The following CDH13 variants were observed in gnomAD, a reference collection of about 807,000 sequenced individuals.
CDH13 encodes cadherin-13.
CDH13 carries 24 observed loss-of-function variants against 63.8 expected under a neutral mutation model. The ratio of observed to expected loss-of-function variants is 0.38; its 90% CI spans 0.27 to 0.53. The LOEUF is 0.53. CDH13 is among the 20% of genes least tolerant of loss of function. The pLI is 0.85. For missense variants in CDH13, 1,049 were observed against 903.1 expected (o/e 1.16, Z -2.07); for synonymous variants, 503 against 355.3 (o/e 1.42, Z -4.67).
At chr16:82,892,021 C>T (rs754001044) in intron 2 of CDH13, among the ~76,000 whole-genome samples, 3 of 152,168 alleles carry the variant, frequency 2.0e-5, no homozygotes, top group Non-Finnish European at 4.4e-5. Flanking sequence ...AAAGCTCAGA[C>T]TGCTTCACTT....
At chr16:83,015,404 T>C (rs1319948148) in intron 2 of CDH13, among the ~76,000 whole-genome samples, 1 of 151,316 alleles carries the variant, frequency 6.6e-6, no homozygotes, top group Non-Finnish European at 1.5e-5. Flanking sequence ...TTGAAAACCG[T>C]ACTGCTAAAA....
chr16:83,085,805 A>C (rs772977154), intron 3 of CDH13, among the ~76,000 whole-genome samples: 1 of 152,240 alleles, frequency 6.6e-6, no homozygotes, highest in Non-Finnish European at 1.5e-5. Flanking sequence ...AGAGGTCTCA[A>C]TATGCTAAGA....
At chr16:83,109,365 C>T (rs2034951351) in intron 3 of CDH13, among the ~76,000 whole-genome samples, 1 of 152,100 alleles carries the variant, frequency 6.6e-6, no homozygotes. Flanking sequence ...AAAAGGGATG[C>T]AGGAAACCCC....
At chr16:83,360,266 C>T (rs374048086) in intron 6 of CDH13, among the ~76,000 whole-genome samples, 1 of 152,136 alleles carries the variant, frequency 6.6e-6, no homozygotes, top group Non-Finnish European at 1.5e-5. Flanking sequence ...CTGAGATATT[C>T]GACAATGTAC....
chr16:83,695,188 C>T (rs1327367386), intron 10 of CDH13, among the ~76,000 whole-genome samples: 1 of 152,140 alleles, frequency 6.6e-6, no homozygotes, highest in Non-Finnish European at 1.5e-5. Flanking sequence ...GCCTGGGCAA[C>T]AGACTGAGAC....
At chr16:83,016,930 C>T (rs914692968) in intron 2 of CDH13, among the ~76,000 whole-genome samples, 2 of 152,186 alleles carry the variant, frequency 1.3e-5, no homozygotes, top group African/African-American at 2.4e-5. Flanking sequence ...CTGTTCTTTT[C>T]TCCTCCATGG....
At chr16:83,259,703 A>G (rs1906729981) in intron 5 of CDH13, among the ~76,000 whole-genome samples, 2 of 152,158 alleles carry the variant, frequency 1.3e-5, no homozygotes, top group Non-Finnish European at 2.9e-5. Flanking sequence ...TGTGCAGGTT[A>G]GTTACATAGG....
chr16:83,495,070 G>C (rs966046240), intron 7 of CDH13, among the ~76,000 whole-genome samples: 1 of 152,062 alleles, frequency 6.6e-6, no homozygotes, highest in African/African-American at 2.4e-5. Flanking sequence ...TCAACAGAAA[G>C]AGTCAAACTC....
chr16:83,193,464 G>A (rs544440449), intron 4 of CDH13, among the ~76,000 whole-genome samples: 1 of 152,236 alleles, frequency 6.6e-6, no homozygotes, highest in South Asian at 2.1e-4. Flanking sequence ...TCTCTTCATG[G>A]GGGTTACAGA....
intron 4 of CDH13, among the ~76,000 whole-genome samples, chr16:83,213,760 C>T (rs1223247105): frequency 6.6e-6 from 1 of 152,164 alleles, no homozygotes; most frequent in East Asian, 1.9e-4. Flanking sequence ...GTGAAGCCAG[C>T]TGGACTTCCT....
intron 1 of CDH13, among the ~76,000 whole-genome samples, chr16:82,694,018 T>G (rs925489089): frequency 6.6e-6 from 1 of 152,240 alleles, no homozygotes; most frequent in Non-Finnish European, 1.5e-5. Flanking sequence ...AACTCTGAAC[T>G]TCAATGTCCA....
At chr16:82,652,730 A>G (rs1001874075) in intron 1 of CDH13, among the ~76,000 whole-genome samples, 1 of 146,622 alleles carries the variant, frequency 6.8e-6, no homozygotes, top group Non-Finnish European at 1.5e-5. Context: ...TTTTCTGGTT[A>G]AAACCAATGA....
At chr16:83,489,739 C>T (rs1423832424) in intron 7 of CDH13, among the ~76,000 whole-genome samples, 2 of 152,076 alleles carry the variant, frequency 1.3e-5, no homozygotes, top group Non-Finnish European at 2.9e-5. Context: ...TTCTGAAGAC[C>T]TTCTGAGAAG....
chr16:83,759,978 C>CA (rs1169565174), intron 11 of CDH13, among the ~76,000 whole-genome samples: 2 of 147,674 alleles, frequency 1.4e-5, no homozygotes, highest in Non-Finnish European at 3.0e-5. Context: ...AATCTGTAAG[C>CA]AAAAGACACA....
At chr16:83,438,451 C>G (rs1349077516) in intron 6 of CDH13, among the ~76,000 whole-genome samples, 1 of 152,200 alleles carries the variant, frequency 6.6e-6, no homozygotes, top group Non-Finnish European at 1.5e-5. Flanking sequence ...ACAATAGCAC[C>G]TAGGGCAGGG....
chr16:83,434,873 GTGTGTGTGTA>G lies in CDH13; in HGVS notation c.782-51598_782-51589del, dbSNP rs550025769. Among the ~76,000 whole-genome samples the G allele has an allele frequency of 2.1e-3, 158 of 76,606 alleles. 2 individuals carry two copies. The East Asian group carries it at 0.049, about 24-fold the overall frequency. 50.3% of individuals were successfully genotyped at this position (76,606 alleles called of 152,430 possible). A position where few individuals can be genotyped will look rare whatever the true frequency, so the allele number is the denominator to read the frequency against. On this transcript the variant is annotated intron_variant, in intron 6 of 13. Coordinates refer to ENST00000567109, the MANE Select transcript of CDH13 (RefSeq NM_001257.5). Reference sequence around the variant, plus strand: ...TGTGTGTGCGTGTGTGTGTGTGTGTGTGTGTGTGTATGTGTATTTAAAATAAACCCCTATT... The same window carrying G: ...TGTGTGTGCGTGTGTGTGTGTGTGTGTGTGTATTTAAAATAAACCCCTATT...
chr16:83,451,303 G>C (rs2072880946), intron 6 of CDH13, among the ~76,000 whole-genome samples: 1 of 152,174 alleles, frequency 6.6e-6, no homozygotes, highest in African/African-American at 2.4e-5. Flanking sequence ...CATGGCAGCA[G>C]GCAAGAGAAA....
chr16:83,035,805 A>T (rs1043560313), intron 3 of CDH13, among the ~76,000 whole-genome samples: 3 of 152,194 alleles, frequency 2.0e-5, no homozygotes, highest in Non-Finnish European at 4.4e-5. Context: ...CGTCTGTAAC[A>T]TAGGGATAAT....
chr16:83,213,144 G>C (rs932915389), intron 4 of CDH13, among the ~76,000 whole-genome samples: 1 of 152,242 alleles, frequency 6.6e-6, no homozygotes, highest in Middle Eastern at 3.4e-3. Context: ...TCACAATGGG[G>C]ACTGGCTTCT....
Sources: allele counts gnomAD v4.1 joint callset (sites outside exome capture counted in the v4.1 genomes callset), GRCh38; gene constraint gnomAD v4.1.1; transcripts MANE v1.5; gene names NCBI Gene and HGNC (gene_info 2026-07-23, HGNC 2026-07-21).